Variants in ACER3 observed in about 807,000 individuals in gnomAD.
ACER3 encodes alkCDase 3.
A neutral mutation model predicts 48.9 loss-of-function variants in ACER3; 16 were observed. The observed-to-expected ratio is 0.33, with a 90% CI of 0.22 to 0.50. The LOEUF is 0.50. Among genes scored for constraint, ACER3 ranks in the 20% least tolerant of loss-of-function variants. ACER3 has a pLI of 0.98. For missense variants in ACER3, 227 were observed against 326.0 expected, an observed-to-expected ratio of 0.70 and a Z score of 2.34; for synonymous variants, 109 against 107.8, an observed-to-expected ratio of 1.01 and a Z score of -0.07.
Position 77,000,639 on chromosome 11 carries a change from C to G in ACER3, c.497+1818C>G, listed in dbSNP as rs77371970. Among the ~76,000 whole-genome samples the G allele has an allele frequency of 2.6e-3, 402 of 152,264 alleles. 2 individuals carry two copies. Among genetic ancestry groups the G allele is most frequent in the African/African-American group, 9.2e-3 (382 of 41,550 alleles). On this transcript the variant is annotated intron_variant, in intron 7 of 10. Transcript: ENST00000532485. Reference sequence around the variant, plus strand: ...CTGTTTTTTCCATGTGGATGTCCAACTGTTCTAAGACCCATTAGTGGAAAA... The same window carrying G: ...CTGTTTTTTCCATGTGGATGTCCAAGTGTTCTAAGACCCATTAGTGGAAAA...
chr11:76,957,765 A>G (rs1590989596), intron 2 of ACER3, among the ~76,000 whole-genome samples: 1 of 152,040 alleles, frequency 6.6e-6, no homozygotes, highest in African/African-American at 2.4e-5. Context: ...TTTGTTGTAT[A>G]TAATCTTTGA....
intron 4 of ACER3, among the ~76,000 whole-genome samples, chr11:76,981,132 A>G (rs1199375944): frequency 6.6e-6 from 1 of 152,234 alleles, no homozygotes; most frequent in Non-Finnish European, 1.5e-5. Context: ...GTCCTGTCAT[A>G]GTGAATTAAA....
intron 2 of ACER3, among the ~76,000 whole-genome samples, chr11:76,952,752 C>T (rs1159883517): frequency 6.6e-6 from 1 of 150,670 alleles, no homozygotes; most frequent in Non-Finnish European, 1.5e-5. Flanking sequence ...CTGTAACCTC[C>T]GCCTCCCAGG....
intron 1 of ACER3, among the ~76,000 whole-genome samples, chr11:76,913,856 G>T (rs1416292269): frequency 2.0e-5 from 3 of 152,118 alleles, no homozygotes; most frequent in African/African-American, 7.2e-5. Context: ...CAGAGATATA[G>T]ACCAGTGGAA....
chr11:76,897,153 C>T (rs565633050), intron 1 of ACER3, among the ~76,000 whole-genome samples: 1 of 152,086 alleles, frequency 6.6e-6, no homozygotes, highest in African/African-American at 2.4e-5. Context: ...GATGGGGTTT[C>T]ACCACGTTGG....
At position 76,964,292 on chromosome 11, in the gene ACER3, G is replaced by C. The variant is rs569954532; in HGVS notation, c.267+5261G>C. Among the ~76,000 whole-genome samples, 63 of 151,578 alleles carry C rather than the reference G, an allele frequency of 4.2e-4. 3 individuals are homozygous for C. Among genetic ancestry groups the C allele is most frequent in the African/African-American group, 1.5e-3 (62 of 40,850 alleles). ...GGGGCGCCTGCCATTGCCGAGGCTT[G>C]AGTAGGTAAACAAAGCGGCCGGGAA... On this transcript the variant is annotated intron_variant, in intron 3 of 10. Transcript: ENST00000532485.
intron 2 of ACER3, among the ~76,000 whole-genome samples, chr11:76,950,410 TA>T (rs78110262): frequency 0.032 from 673 of 20,744 alleles, 242 homozygotes; most frequent in Non-Finnish European, 0.095. Context: ...TATATATATA[TA>T]ATTTACACAT....
intron 1 of ACER3, among the ~76,000 whole-genome samples, chr11:76,892,862 G>A (rs1338704691): frequency 6.6e-6 from 1 of 152,132 alleles, no homozygotes; most frequent in Admixed American, 6.5e-5. Context: ...TTGACAAGGA[G>A]GAGGTCAAAT....
At chr11:76,914,018 C>G (rs1001035716) in intron 1 of ACER3, among the ~76,000 whole-genome samples, 6 of 152,146 alleles carry the variant, frequency 3.9e-5, no homozygotes, top group African/African-American at 1.4e-4. Flanking sequence ...GAAACTGGAT[C>G]CCTTCCTTAC....
At chr11:76,924,114 TG>T (rs1445800295) in intron 1 of ACER3, among the ~76,000 whole-genome samples, 1 of 152,100 alleles carries the variant, frequency 6.6e-6, no homozygotes, top group Non-Finnish European at 1.5e-5. Context: ...TGCTGTGGCT[TG>T]AGTACTCCAG....
intron 7 of ACER3, among the ~76,000 whole-genome samples, chr11:77,010,377 G>T (rs1949238446): frequency 6.7e-6 from 1 of 149,750 alleles, no homozygotes. Context: ...AAAATGAAAA[G>T]CTGAATTGAA....
At chr11:76,933,067 A>G (rs1038220512) in intron 2 of ACER3, among the ~76,000 whole-genome samples, 1 of 151,758 alleles carries the variant, frequency 6.6e-6, no homozygotes, top group African/African-American at 2.4e-5. Flanking sequence ...CGTTAGTGAA[A>G]GGAAAGAAGA....
intron 3 of ACER3, among the ~76,000 whole-genome samples, chr11:76,967,821 C>G (rs1321527591): frequency 6.6e-6 from 1 of 152,072 alleles, no homozygotes. Context: ...TATGACAAAC[C>G]CACAGCCAAT....
intron 1 of ACER3, among the ~76,000 whole-genome samples, chr11:76,896,139 A>C (rs914487631): frequency 2.6e-5 from 4 of 152,102 alleles, no homozygotes; most frequent in African/African-American, 9.7e-5. Flanking sequence ...GCCCCTTTAA[A>C]TTTTTGCTTG....
At chr11:76,931,368 T>C (rs1946994458) in intron 2 of ACER3, among the ~76,000 whole-genome samples, 1 of 147,838 alleles carries the variant, frequency 6.8e-6, no homozygotes, top group Admixed American at 6.8e-5. Context: ...TCTCTGCACA[T>C]GAGATGGATC....
Position 76,992,420 on chromosome 11 carries a change from A to G in ACER3, c.438+1846A>G, listed in dbSNP as rs576270142. 5.3e-5 allele frequency among the ~76,000 whole-genome samples: 8 copies of G among 152,110 alleles called. No homozygotes were observed. The South Asian group carries it at 6.2e-4, about 12-fold the overall frequency. On this transcript the variant is annotated intron_variant, in intron 6 of 10. Transcript: ENST00000532485. ...ATTTGACACTATGTAATAAAAAACA[A>G]CTCTTACTAAGTAACTACCCCGGTG...
At position 76,991,614 on chromosome 11, in the gene ACER3, G is replaced by A. The variant is rs560233013; in HGVS notation, c.438+1040G>A. Among the ~76,000 whole-genome samples the A allele has an allele frequency of 8.6e-4, 130 of 151,914 alleles. 1 individual carries two copies. Among genetic ancestry groups the A allele is most frequent in the South Asian group, 1.2e-3 (6 of 4,804 alleles). On this transcript the variant is annotated intron_variant, in intron 6 of 10. Transcript: ENST00000532485. Reference sequence around the variant, plus strand: ...GTGGATCACTTGAGGTCAGGTGTTCGAGATCAGCCTGGCCAACATGGTGAA... The same window carrying A: ...GTGGATCACTTGAGGTCAGGTGTTCAAGATCAGCCTGGCCAACATGGTGAA...
chr11:76,978,909 C>T (rs1948513374), intron 4 of ACER3, among the ~76,000 whole-genome samples: 1 of 152,228 alleles, frequency 6.6e-6, no homozygotes, highest in African/African-American at 2.4e-5. Context: ...CCTATGCTGG[C>T]TTCTGGAGCT....
intron 4 of ACER3, among the ~76,000 whole-genome samples, chr11:76,981,530 T>C (rs765945367): frequency 2.0e-5 from 3 of 152,238 alleles, no homozygotes; most frequent in African/African-American, 4.8e-5. Flanking sequence ...TTCTGACCCA[T>C]TGCAGTTAAT....
Sources: allele counts gnomAD v4.1 joint callset (sites outside exome capture counted in the v4.1 genomes callset), GRCh38; gene constraint gnomAD v4.1.1; transcripts MANE v1.5; gene names NCBI Gene and HGNC (gene_info 2026-07-23, HGNC 2026-07-21).